The following CYTH1 variants were observed in gnomAD, a reference collection of about 807,000 sequenced individuals.
CYTH1 encodes the protein cytohesin 1, also known as cytohesin-1.
Under a neutral mutation model 61.8 loss-of-function variants are expected in CYTH1, and 18 were observed. The observed-to-expected ratio is 0.29, with a 90% confidence interval of 0.20 to 0.43. The LOEUF is 0.43. CYTH1 is among the 20% of genes least tolerant of loss of function. The pLI is 1.00. For synonymous variants in CYTH1, 174 were observed against 184.3 expected (o/e 0.94, Z 0.45); for missense variants, 336 against 510.5 (o/e 0.66, Z 3.29).
chr17:78,781,729 G>T (rs1251895834), intron 1 of CYTH1, among the ~76,000 whole-genome samples: 1 of 151,704 alleles, frequency 6.6e-6, no homozygotes, highest in African/African-American at 2.4e-5. Context: ...CCATCCGCGC[G>T]TCCGCCCCGA....
rs144011459 is a variant in CYTH1, at chr17:78,763,658, G to A, written c.22+18544C>T. On this transcript the variant is annotated intron_variant, in intron 1 of 13. Transcript: ENST00000446868. ...TAAAATATGCTGTAATAAGAGTTACGTGAATGTAGTCTCTCAAAATATTTC... is the reference window on the plus strand; with the variant it reads ...TAAAATATGCTGTAATAAGAGTTACATGAATGTAGTCTCTCAAAATATTTC... Among the ~76,000 whole-genome samples the A allele has an allele frequency of 3.1e-3, 465 of 152,288 alleles. 3 individuals carry two copies. The highest frequency in any genetic ancestry group is 1.0e-2 in the African/African-American group (414 of 41,534).
intron 1 of CYTH1, among the ~76,000 whole-genome samples, chr17:78,771,118 C>T (rs1257114386): frequency 6.6e-6 from 1 of 152,114 alleles, no homozygotes; most frequent in East Asian, 1.9e-4. Flanking sequence ...CAAAAATTAG[C>T]CAGGCATGGT....
At chr17:78,770,633 G>A (rs973378608) in intron 1 of CYTH1, among the ~76,000 whole-genome samples, 3 of 152,066 alleles carry the variant, frequency 2.0e-5, no homozygotes, top group African/African-American at 7.2e-5. Flanking sequence ...TGGCCAGGAT[G>A]GTCTCGATCT....
intron 1 of CYTH1, among the ~76,000 whole-genome samples, chr17:78,751,074 C>T (rs1312103961): frequency 1.3e-5 from 2 of 152,056 alleles, no homozygotes; most frequent in Non-Finnish European, 2.9e-5. Context: ...ACCTCTACCT[C>T]CCAGACTCAA....
intron 1 of CYTH1, among the ~76,000 whole-genome samples, chr17:78,747,284 T>A (rs923729102): frequency 2.0e-4 from 30 of 150,776 alleles, no homozygotes; most frequent in African/African-American, 7.4e-4. Flanking sequence ...GTGGCACAGG[T>A]ATACTAACGA....
chr17:78,742,231 T>C (rs955526577), intron 1 of CYTH1, among the ~76,000 whole-genome samples: 1 of 152,200 alleles, frequency 6.6e-6, no homozygotes, highest in African/African-American at 2.4e-5. Flanking sequence ...ATGAAACTGA[T>C]TTCCAAAATA....
At chr17:78,698,701 C>T in intron 8 of CYTH1, 119 bp downstream of exon 8, 1 of 1,179,268 alleles carries the variant, frequency 8.5e-7, no homozygotes, top group South Asian at 2.2e-5. Context: ...CATGGTTAAA[C>T]AAATTAAAAG....
chr17:78,770,521 C>A (rs1276946574), intron 1 of CYTH1, among the ~76,000 whole-genome samples: 1 of 151,860 alleles, frequency 6.6e-6, no homozygotes, highest in African/African-American at 2.4e-5. Flanking sequence ...CGGGTTCAAG[C>A]GATTCTCCTT....
At chr17:78,679,427 C>G (rs77003418) in intron 13 of CYTH1, among the ~76,000 whole-genome samples, 2,069 of 145,806 alleles carry the variant, frequency 0.014, 61 homozygotes, top group African/African-American at 0.052. Flanking sequence ...GAGGAGAAAG[C>G]ATCACTGAGA....
intron 1 of CYTH1, among the ~76,000 whole-genome samples, chr17:78,759,275 T>C (rs1335804100): frequency 1.3e-5 from 2 of 152,194 alleles, no homozygotes; most frequent in Non-Finnish European, 2.9e-5. Context: ...AAAGACACTC[T>C]GGGTAAGTGG....
intron 1 of CYTH1, among the ~76,000 whole-genome samples, chr17:78,724,475 G>A (rs1408091319): frequency 6.6e-6 from 1 of 152,186 alleles, no homozygotes; most frequent in East Asian, 1.9e-4. Context: ...ACTCTTTGTG[G>A]TGGGGGCTTC....
At chr17:78,740,815 T>C (rs9909755) in intron 1 of CYTH1, among the ~76,000 whole-genome samples, 9,027 of 152,228 alleles carry the variant, frequency 0.059, 504 homozygotes, top group South Asian at 0.15. Flanking sequence ...CTAAAACATA[T>C]AATAACCCAA....
chr17:78,677,789 C>T (rs2092716695), intron 13 of CYTH1: 1 of 152,322 alleles, frequency 6.6e-6, no homozygotes. Context: ...ATCCACCAGC[C>T]AGATCATCTT....
chr17:78,750,456 G>A (rs1470581551), intron 1 of CYTH1, among the ~76,000 whole-genome samples: 3 of 152,102 alleles, frequency 2.0e-5, no homozygotes, highest in Admixed American at 6.6e-5. Context: ...AAGTTTAGGG[G>A]TAGGAAGAGG....
At position 78,695,996 on chromosome 17, in the gene CYTH1, G is replaced by C; in HGVS notation, c.814+11C>G. On this transcript the variant is annotated intron_variant, in intron 10 of 13. Coordinates refer to ENST00000446868, the MANE Select transcript of CYTH1 (RefSeq NM_004762.6). ...CTAGCAGAGCGAGCGAGCAGGCTGAGGGTTACATACCTCCTGGAGTTTGGG... is the reference window on the plus strand; with the variant it reads ...CTAGCAGAGCGAGCGAGCAGGCTGACGGTTACATACCTCCTGGAGTTTGGG... The C allele has an allele frequency of 1.5e-6, 2 of 1,367,886 alleles. No homozygotes were observed. The highest frequency in any genetic ancestry group is 2.0e-6 in the Non-Finnish European group (2 of 1,021,982). 84.7% of individuals were successfully genotyped at this position (1,367,886 alleles called of 1,614,324 possible).
chr17:78,761,065 AC>A (rs34920447), intron 1 of CYTH1, among the ~76,000 whole-genome samples: 6,953 of 152,034 alleles, frequency 0.046, 227 homozygotes, highest in Middle Eastern at 0.13. Context: ...CGAACTCCCG[AC>A]CTTGTGATCC....
chr17:78,697,575 T>C (rs1226517893), intron 9 of CYTH1, among the ~76,000 whole-genome samples: 2 of 147,508 alleles, frequency 1.4e-5, no homozygotes, highest in Non-Finnish European at 1.5e-5. Flanking sequence ...AAATAATTAA[T>C]GTGGCTGATT....
intron 1 of CYTH1, among the ~76,000 whole-genome samples, chr17:78,779,400 CAAAAAAAAA>C (rs56061178): frequency 4.9e-4 from 41 of 84,172 alleles, no homozygotes; most frequent in African/African-American, 2.0e-3. Context: ...AACTCCATCT[CAAAAAAAAA>C]AAAAAAAAAA....
chr17:78,751,485 A>AC (rs1340452389), intron 1 of CYTH1, among the ~76,000 whole-genome samples: 1 of 152,036 alleles, frequency 6.6e-6, no homozygotes, highest in Non-Finnish European at 1.5e-5. Context: ...AAAAAAAAAA[A>AC]AATGTAATGC....
Sources: gnomAD v4.1 joint callset for allele counts (sites outside exome capture counted in the v4.1 genomes callset) on GRCh38, gnomAD v4.1.1 for gene constraint, MANE v1.5 for transcripts, NCBI Gene and HGNC (gene_info 2026-07-23, HGNC 2026-07-21) for gene names.